NRXN1: variants seen among roughly 807,000 people sequenced by gnomAD.
The protein encoded by NRXN1 is neurexin 1.
Under a neutral mutation model 150.9 loss-of-function variants are expected in NRXN1, and 39 were observed. That is an observed-to-expected ratio of 0.26 (90% confidence interval 0.20 to 0.34). NRXN1 has a LOEUF of 0.34. NRXN1 is among the 10% of genes least tolerant of loss of function. The pLI, the probability that NRXN1 is intolerant of heterozygous loss-of-function variation, is 1.00. For synonymous variants in NRXN1, 924 were observed against 757.0 expected, an observed-to-expected ratio of 1.22 and a Z score of -3.62; for missense variants, 1,815 against 1,949.9, an observed-to-expected ratio of 0.93 and a Z score of 1.30.
At chr2:50,488,712 A>G (rs890313974) in intron 15 of NRXN1, among the ~76,000 whole-genome samples, 1 of 152,198 alleles carries the variant, frequency 6.6e-6, no homozygotes, top group Admixed American at 6.5e-5. Context: ...AGACTTCTGT[A>G]TAAGTCTCCC....
intron 8 of NRXN1, among the ~76,000 whole-genome samples, chr2:50,609,465 A>G (rs1677672570): frequency 6.6e-6 from 1 of 152,110 alleles, no homozygotes; most frequent in African/African-American, 2.4e-5. Flanking sequence ...GTATTAATAA[A>G]GTTTATACTT....
At chr2:49,974,503 C>T (rs189511999) in intron 21 of NRXN1, among the ~76,000 whole-genome samples, 212 of 152,130 alleles carry the variant, frequency 1.4e-3, no homozygotes, top group South Asian at 4.6e-3. Flanking sequence ...TTTTTTTTCC[C>T]CAGCCCTTAA....
intron 17 of NRXN1, among the ~76,000 whole-genome samples, chr2:50,244,755 G>T (rs1237568378): frequency 6.6e-6 from 1 of 151,598 alleles, no homozygotes; most frequent in Non-Finnish European, 1.5e-5. Flanking sequence ...TAGAAGAGAG[G>T]ATTTGAATTT....
chr2:50,347,182 G>A lies in NRXN1; in HGVS notation c.3365-110212C>T, dbSNP rs1174064891. On this transcript the variant is annotated intron_variant, in intron 17 of 22. Transcript: ENST00000401669. The surrounding 1 kb of genome is among the most constrained non-coding windows in gnomAD (Gnocchi z 4.9). ...TAGCCGAGGCGAATGCAGCTGGAGA[G>A]GGGCTTGTCCGGAAAGGCAGCCCCG... 4.4e-6 allele frequency: 6 copies of A among 1,358,452 alleles called. No individual in the cohort carries two copies. Among genetic ancestry groups the A allele is most frequent in the African/African-American group, 1.5e-5 (1 of 67,838 alleles). The allele number at this position is 1,358,452 out of a possible 1,614,324, so 84.1% of individuals were successfully genotyped here.
intron 2 of NRXN1, among the ~76,000 whole-genome samples, chr2:50,963,507 T>C (rs1312666894): frequency 1.3e-5 from 2 of 151,732 alleles, no homozygotes; most frequent in Non-Finnish European, 1.5e-5. Flanking sequence ...AATGCTTTAT[T>C]TTTAATTTTC....
chr2:50,457,266 T>A (rs758815471), intron 17 of NRXN1, among the ~76,000 whole-genome samples: 3 of 151,980 alleles, frequency 2.0e-5, no homozygotes, highest in Non-Finnish European at 4.4e-5. Flanking sequence ...GAATTAAGAG[T>A]GAGAAAAGCA....
At chr2:50,229,062 C>T (rs559674240) in intron 18 of NRXN1, among the ~76,000 whole-genome samples, 246 of 152,086 alleles carry the variant, frequency 1.6e-3, no homozygotes, top group African/African-American at 5.7e-3. Context: ...TCTAGTCCTC[C>T]GATTCTAATT....
At chr2:50,603,470 AAGC>A (rs1162693948) in intron 8 of NRXN1, among the ~76,000 whole-genome samples, 1 of 152,182 alleles carries the variant, frequency 6.6e-6, no homozygotes. Flanking sequence ...AAGAAAAACT[AAGC>A]AGGCAGATAG....
intron 9 of NRXN1, among the ~76,000 whole-genome samples, chr2:50,547,014 T>C (rs189373078): frequency 4.7e-4 from 72 of 152,184 alleles, no homozygotes; most frequent in African/African-American, 1.5e-3. Context: ...AAATCAGTGC[T>C]GGTAATAGAT....
At chr2:50,777,401 G>A (rs369621727) in intron 5 of NRXN1, among the ~76,000 whole-genome samples, 10 of 152,172 alleles carry the variant, frequency 6.6e-5, no homozygotes, top group African/African-American at 2.2e-4. Context: ...GGCTAGCAAG[G>A]GAGTCTTTTG....
chr2:50,740,448 T>C (rs1344867988), intron 5 of NRXN1, among the ~76,000 whole-genome samples: 1 of 152,192 alleles, frequency 6.6e-6, no homozygotes, highest in Non-Finnish European at 1.5e-5. Context: ...AAAGCCAATA[T>C]GCTGAAGATG....
intron 17 of NRXN1, among the ~76,000 whole-genome samples, chr2:50,281,562 A>G (rs2071469274): frequency 6.6e-6 from 1 of 152,078 alleles, no homozygotes; most frequent in African/African-American, 2.4e-5. Context: ...CTTGACAAAC[A>G]TATAAATATG....
chr2:50,207,271 A>C (rs2062669175), intron 18 of NRXN1, among the ~76,000 whole-genome samples: 1 of 149,706 alleles, frequency 6.7e-6, no homozygotes, highest in Admixed American at 6.7e-5. Flanking sequence ...GAGTATAAGT[A>C]GAAACTGCTA....
intron 17 of NRXN1, among the ~76,000 whole-genome samples, chr2:50,261,678 G>C (rs1204884893): frequency 6.6e-6 from 1 of 151,814 alleles, no homozygotes; most frequent in Non-Finnish European, 1.5e-5. Context: ...AATTTTGAAA[G>C]ATATGTTAAC....
chr2:50,921,840 T>C (rs780752901), intron 5 of NRXN1, 29 bp downstream of exon 5: 7 of 1,162,516 alleles, frequency 6.0e-6, no homozygotes, highest in Admixed American at 2.8e-5. Context: ...ATACAGATGA[T>C]ATTAAGAAGA....
At chr2:50,064,570 T>C (rs1695074000) in intron 19 of NRXN1, among the ~76,000 whole-genome samples, 1 of 152,166 alleles carries the variant, frequency 6.6e-6, no homozygotes, top group East Asian at 1.9e-4. Flanking sequence ...CTTCAAAATA[T>C]GTATCATCTC....
intron 5 of NRXN1, among the ~76,000 whole-genome samples, chr2:50,776,257 A>C (rs757603650): frequency 6.6e-6 from 1 of 152,110 alleles, no homozygotes; most frequent in Non-Finnish European, 1.5e-5. Flanking sequence ...ACTTCACAAA[A>C]TTATGTGGTC....
chr2:50,585,691 C>T (rs577520781), intron 8 of NRXN1, among the ~76,000 whole-genome samples: 2 of 152,244 alleles, frequency 1.3e-5, no homozygotes, highest in African/African-American at 4.8e-5. Context: ...AATAAGCACA[C>T]AGAAATTTCT....
Position 50,347,164 on chromosome 2 carries a change from G to A in NRXN1, c.3365-110194C>T. ...CCCAAACAATCCGAAACATAGCCGA[G>A]GCGAATGCAGCTGGAGAGGGGCTTG... On this transcript the variant is annotated intron_variant, in intron 17 of 22. Transcript: ENST00000401669. This position sits in a 1 kb window ranked among gnomAD's most constrained non-coding sequence, Gnocchi z 4.9. 1 of 1,368,682 alleles carries A rather than the reference G, an allele frequency of 7.3e-7. No individual in the cohort carries two copies. Among genetic ancestry groups the A allele is most frequent in the East Asian group, 4.4e-5 (1 of 22,596 alleles). 84.8% of individuals were successfully genotyped at this position (1,368,682 alleles called of 1,614,324 possible).
Sources: gnomAD v4.1 joint callset for allele counts (sites outside exome capture counted in the v4.1 genomes callset) on GRCh38, gnomAD v4.1.1 for gene constraint, Gnocchi (gnomAD v3.1) non-coding constraint, MANE v1.5 for transcripts, NCBI Gene and HGNC (gene_info 2026-07-23, HGNC 2026-07-21) for gene names.